CLDN11: variants seen among roughly 807,000 people sequenced by gnomAD.
CLDN11 encodes claudin 11.
In CLDN11, 1 loss-of-function variant was observed where a neutral mutation model predicts 18.0. The ratio of observed to expected loss-of-function variants is 0.06; its 90% CI spans 0.02 to 0.26. The LOEUF (loss-of-function observed/expected upper bound fraction) is 0.26. CLDN11 is among the 10% of genes least tolerant of loss of function. CLDN11 has a pLI of 1.00. For synonymous variants in CLDN11, 116 were observed against 121.5 expected, an observed-to-expected ratio of 0.96 and a Z score of 0.30; for missense variants, 172 against 276.6, an observed-to-expected ratio of 0.62 and a Z score of 2.68.
chr3:170,427,806 CAAAAAA>C (rs1175282704), intron 2 of CLDN11, among the ~76,000 whole-genome samples: 16 of 56,100 alleles, frequency 2.9e-4, no homozygotes, highest in African/African-American at 8.8e-4. Flanking sequence ...GAGACTGTCT[CAAAAAA>C]AAAAAAAAAA....
chr3:170,425,361 G>A (rs1158483793), intron 2 of CLDN11, among the ~76,000 whole-genome samples: 1 of 152,104 alleles, frequency 6.6e-6, no homozygotes, highest in Non-Finnish European at 1.5e-5. Context: ...AATGTCACAG[G>A]TATCCACAAG....
In CLDN11 at chr3:170,419,361, G is replaced by A; in HGVS notation, c.226+69G>A. The A allele has an allele frequency of 8.6e-7, 1 of 1,159,474 alleles. No homozygotes were observed. Among genetic ancestry groups the A allele is most frequent in the Non-Finnish European group, 1.2e-6 (1 of 820,256 alleles). 71.8% of individuals were successfully genotyped at this position (1,159,474 alleles called of 1,614,324 possible). A position where few individuals can be genotyped will look rare whatever the true frequency, so the allele number is the denominator to read the frequency against. The stretch of plus-strand genomic sequence containing the variant: ...TGGGTAGAGAGCGGGATATTAGACG[G>A]CGTCACAGAGACATTTTGGGGGCTT... On this transcript the variant is annotated intron_variant, in intron 1 of 2. Transcript: ENST00000064724. This position sits in a 1 kb window ranked among gnomAD's most constrained non-coding sequence, Gnocchi z 8.6.
intron 2 of CLDN11, among the ~76,000 whole-genome samples, chr3:170,431,961 C>T (rs549928325): frequency 6.6e-6 from 1 of 152,268 alleles, no homozygotes; most frequent in South Asian, 2.1e-4. Flanking sequence ...GTGAATTGAC[C>T]AAACTGAGAA....
At chr3:170,428,970 G>A (rs1343709802) in intron 2 of CLDN11, among the ~76,000 whole-genome samples, 1 of 152,034 alleles carries the variant, frequency 6.6e-6, no homozygotes, top group East Asian at 1.9e-4. Context: ...TTGGGTTTGC[G>A]AATAAAATTA....
chr3:170,424,916 G>GGT (rs747725849), intron 2 of CLDN11, among the ~76,000 whole-genome samples: 13,546 of 141,440 alleles, frequency 0.096, 619 homozygotes, highest in Middle Eastern at 0.12. Context: ...AAGCCACAAG[G>GGT]GTGTGTGTGT....
intron 2 of CLDN11, among the ~76,000 whole-genome samples, chr3:170,424,318 C>T (rs1335295465): frequency 6.6e-6 from 1 of 152,114 alleles, no homozygotes; most frequent in Non-Finnish European, 1.5e-5. Flanking sequence ...GGCACCTAAC[C>T]CAGACTGGAT....
intron 2 of CLDN11, among the ~76,000 whole-genome samples, chr3:170,424,831 T>C (rs1179581022): frequency 6.6e-6 from 1 of 151,974 alleles, no homozygotes; most frequent in Non-Finnish European, 1.5e-5. Context: ...ATGACACCAG[T>C]AAGGTGAGGG....
chr3:170,432,383 T>C, intron 2 of CLDN11, 141 bp from the exon 3 acceptor site: 2 of 1,435,264 alleles, frequency 1.4e-6, no homozygotes, highest in Non-Finnish European at 1.8e-6. Flanking sequence ...TGGTTCAGTG[T>C]TGAGGGAGCA....
Position 170,433,568 on chromosome 3 carries a change from G to A in CLDN11, c.*812G>A, listed in dbSNP as rs1739065914. The A allele has an allele frequency of 6.6e-6, 1 of 152,534 alleles. No homozygotes were observed. The highest frequency in any genetic ancestry group is 2.1e-4 in the South Asian group (1 of 4,818). 9.4% of individuals were successfully genotyped at this position (152,534 alleles called of 1,614,324 possible). On this transcript the variant is annotated 3_prime_UTR_variant, in exon 3 of 3. Coordinates refer to ENST00000064724, the MANE Select transcript of CLDN11 (RefSeq NM_005602.6). Reference sequence around the variant, plus strand: ...GCATTGGGGACATGGGATGGGGGAGGGAGGGCAATAGTGGAACGAACTTTC... The same window carrying A: ...GCATTGGGGACATGGGATGGGGGAGAGAGGGCAATAGTGGAACGAACTTTC...
Position 170,432,829 on chromosome 3 carries a change from T to C in CLDN11, c.*73T>C. The stretch of plus-strand genomic sequence containing the variant: ...GGCCCTAGGTTTGCTCGTCACAGTG[T>C]GGGGAAGCCCATTCCTCTGCCAGGC... On this transcript the variant is annotated 3_prime_UTR_variant, in exon 3 of 3. Coordinates refer to ENST00000064724, the MANE Select transcript of CLDN11 (RefSeq NM_005602.6). 7.0e-7 allele frequency: 1 copy of C among 1,428,226 alleles called. No individual in the cohort carries two copies. Among genetic ancestry groups the C allele is most frequent in the Non-Finnish European group, 9.9e-7 (1 of 1,015,054 alleles). 88.5% of individuals were successfully genotyped at this position (1,428,226 alleles called of 1,614,324 possible). A position where few individuals can be genotyped will look rare whatever the true frequency, so the allele number is the denominator to read the frequency against.
At chr3:170,429,502 A>G (rs558264955) in intron 2 of CLDN11, among the ~76,000 whole-genome samples, 2 of 152,290 alleles carry the variant, frequency 1.3e-5, no homozygotes, top group South Asian at 2.1e-4. Context: ...TTGAAATGAG[A>G]CTACTTCTCA....
In CLDN11 at chr3:170,427,890, G is replaced by C. The variant is rs147562826; in HGVS notation, c.391+4563G>C. ...AGGTTCACTGGGGCCAGGCATGGTGGTTCACGCCTGTAATCTAGCACTTTG... is the reference window on the plus strand; with the variant it reads ...AGGTTCACTGGGGCCAGGCATGGTGCTTCACGCCTGTAATCTAGCACTTTG... On this transcript the variant is annotated intron_variant, in intron 2 of 2. Coordinates refer to ENST00000064724, the MANE Select transcript of CLDN11 (RefSeq NM_005602.6). 3.3e-3 allele frequency among the ~76,000 whole-genome samples: 497 copies of C among 151,970 alleles called. 4 individuals are homozygous for C. The highest frequency in any genetic ancestry group is 0.011 in the African/African-American group (472 of 41,428).
At chr3:170,431,937 C>T (rs1184934362) in intron 2 of CLDN11, among the ~76,000 whole-genome samples, 1 of 152,198 alleles carries the variant, frequency 6.6e-6, no homozygotes, top group Non-Finnish European at 1.5e-5. Context: ...ATACCTTCTC[C>T]AGATCTTTGT....
chr3:170,430,893 G>A (rs1553860827), intron 2 of CLDN11, among the ~76,000 whole-genome samples: 1 of 152,068 alleles, frequency 6.6e-6, no homozygotes, highest in Non-Finnish European at 1.5e-5. Context: ...GAGTGAATTT[G>A]GGCTGTTAGA....
intron 2 of CLDN11, among the ~76,000 whole-genome samples, chr3:170,425,386 A>AAAAC (rs1487712605): frequency 6.6e-6 from 1 of 152,222 alleles, no homozygotes; most frequent in African/African-American, 2.4e-5. Flanking sequence ...AGAACACACT[A>AAAAC]AAACAAACAT....
At position 170,419,065 on chromosome 3, in the gene CLDN11, C is replaced by A; in HGVS notation, c.-2C>A. The A allele has an allele frequency of 6.5e-7, 1 of 1,549,532 alleles. No individual in the cohort carries two copies. The highest frequency in any genetic ancestry group is 2.4e-5 in the East Asian group (1 of 40,886). On this transcript the variant is annotated 5_prime_UTR_variant, in exon 1 of 3. Transcript: ENST00000064724. The surrounding 1 kb of genome is among the most constrained non-coding windows in gnomAD (Gnocchi z 8.6). ...AGGCACGGGGACATCCTGGCGGCCA[C>A]CATGGTGGCCACGTGCCTGCAGGTG...
At position 170,419,035 on chromosome 3, in the gene CLDN11, G is replaced by C; in HGVS notation, c.-32G>C. ...GCCCAGGCCCAGGCACAGCCGTGAGGGGCGAGGCACGGGGACATCCTGGCG... is the reference window on the plus strand; with the variant it reads ...GCCCAGGCCCAGGCACAGCCGTGAGCGGCGAGGCACGGGGACATCCTGGCG... On this transcript the variant is annotated 5_prime_UTR_variant, in exon 1 of 3. Coordinates refer to ENST00000064724, the MANE Select transcript of CLDN11 (RefSeq NM_005602.6). This position sits in a 1 kb window ranked among gnomAD's most constrained non-coding sequence, Gnocchi z 8.6. The C allele has an allele frequency of 1.3e-6, 2 of 1,495,614 alleles. No homozygotes were observed. Among genetic ancestry groups the C allele is most frequent in the Non-Finnish European group, 1.8e-6 (2 of 1,098,274 alleles). The allele number at this position is 1,495,614 out of a possible 1,614,324, so 92.6% of individuals were successfully genotyped here.
chr3:170,423,647 C>A (rs1274448876), intron 2 of CLDN11: 3 of 302,816 alleles, frequency 9.9e-6, no homozygotes, highest in African/African-American at 4.2e-5. Context: ...TTTTTGAACA[C>A]CTATGCCCAG....
intron 2 of CLDN11, among the ~76,000 whole-genome samples, chr3:170,426,235 T>A: frequency 6.6e-6 from 1 of 152,234 alleles, no homozygotes; most frequent in East Asian, 1.9e-4. Context: ...AAATCTGTAA[T>A]TATTTTTGTG....
Sources: allele counts gnomAD v4.1 joint callset (sites outside exome capture counted in the v4.1 genomes callset), GRCh38; gene constraint gnomAD v4.1.1; non-coding constraint Gnocchi (gnomAD v3.1); transcripts MANE v1.5; gene names NCBI Gene and HGNC (gene_info 2026-07-23, HGNC 2026-07-21).